The following RPS29 variants were observed in gnomAD, a reference collection of about 807,000 sequenced individuals.
The protein encoded by RPS29 is ribosomal protein S29, also known as small ribosomal subunit protein uS14.
For synonymous variants in RPS29, 37 were observed against 26.9 expected (o/e 1.37, Z -1.16); for missense variants, 60 against 75.7 (o/e 0.79, Z 0.77).
At chr14:49,588,201 G>A (rs1357958531), upstream of RPS29, among the ~76,000 whole-genome samples, 2 of 152,128 alleles carry the variant, frequency 1.3e-5, no homozygotes, top group African/African-American at 4.8e-5. Flanking sequence ...TTAGTACTCT[G>A]ATATATAAGC....
intron 2 of RPS29, among the ~76,000 whole-genome samples, chr14:49,584,189 T>C (rs1881435069): frequency 1.3e-5 from 2 of 152,188 alleles, no homozygotes; most frequent in Non-Finnish European, 2.9e-5. Context: ...GCAAGGCTTG[T>C]TGCGGAAACC....
At chr14:49,584,689 G>A (rs1203507268) in intron 2 of RPS29, among the ~76,000 whole-genome samples, 2 of 78,634 alleles carry the variant, frequency 2.5e-5, no homozygotes, top group African/African-American at 8.7e-5. Context: ...GCTTGAATCC[G>A]GGAGGGGGAG....
upstream of RPS29, chr14:49,586,474 T>G: frequency 1.2e-6 from 1 of 805,096 alleles, no homozygotes; most frequent in Non-Finnish European, 2.1e-6. Context: ...GGTCAGGTTG[T>G]TTCGCTGGGT....
At chr14:49,579,603 A>T (rs1189346488), downstream of RPS29, among the ~76,000 whole-genome samples, 1 of 152,220 alleles carries the variant, frequency 6.6e-6, no homozygotes, top group Non-Finnish European at 1.5e-5. Flanking sequence ...CCTCTCCTAT[A>T]GCACCTACCA....
chr14:49,582,012 C>CCCAAAA (rs71115379), downstream of RPS29, among the ~76,000 whole-genome samples: 28 of 106,502 alleles, frequency 2.6e-4, no homozygotes, highest in Admixed American at 3.2e-4. Context: ...CCCTGCCCCC[C>CCCAAAA]AAAAAAAAAA....
chr14:49,577,340 TAC>T (rs1228575348), exon 3 of RPS29: 1 of 161,860 alleles, frequency 6.2e-6, no homozygotes. Context: ...TTTTTGTTTT[TAC>T]AGTTTTATTG....
At chr14:49,581,804 T>C (rs1024140258), downstream of RPS29, among the ~76,000 whole-genome samples, 3 of 151,976 alleles carry the variant, frequency 2.0e-5, no homozygotes, top group African/African-American at 7.3e-5. Flanking sequence ...CAAGGCGGGC[T>C]GATCACTTGA....
At chr14:49,588,838 T>G (rs563860033), upstream of RPS29, among the ~76,000 whole-genome samples, 48 of 151,036 alleles carry the variant, frequency 3.2e-4, 1 homozygote, top group South Asian at 1.0e-3. Context: ...CTAAGAGCTT[T>G]TATCTTAATC....
chr14:49,586,478 G>T (rs1353115716), upstream of RPS29: 1 of 777,176 alleles, frequency 1.3e-6, no homozygotes, highest in Non-Finnish European at 2.2e-6. Context: ...AGGTTGTTTC[G>T]CTGGGTGAGT....
upstream of RPS29, chr14:49,586,502 A>G (rs766561652): frequency 1.5e-6 from 1 of 684,714 alleles, no homozygotes; most frequent in Middle Eastern, 2.4e-4. Flanking sequence ...ATGAAATCTT[A>G]GAGGCGTTGT....
upstream of RPS29, among the ~76,000 whole-genome samples, chr14:49,591,267 TAGC>T (rs1170370344): frequency 2.7e-5 from 4 of 147,804 alleles, no homozygotes; most frequent in African/African-American, 9.9e-5. Flanking sequence ...ACCAACAAGT[TAGC>T]AGTTTTTAGA....
chr14:49,577,665 C>A, exon 3 of RPS29: 1 of 748,618 alleles, frequency 1.3e-6, no homozygotes, highest in Non-Finnish European at 2.4e-6. Flanking sequence ...CTTCTATGAA[C>A]CCTGTTGTTA....
chr14:49,582,394 A>G (rs145049957), downstream of RPS29, among the ~76,000 whole-genome samples: 166 of 152,324 alleles, frequency 1.1e-3, 2 homozygotes, highest in East Asian at 0.018. Context: ...CCATCCAGGA[A>G]TTCTCTTCCC....
chr14:49,575,706 C>T (rs979524386), exon 3 of RPS29: 3 of 152,030 alleles, frequency 2.0e-5, no homozygotes, highest in Non-Finnish European at 4.4e-5. Flanking sequence ...TAAAAATTAG[C>T]TGGGCATTGT....
exon 3 of RPS29, chr14:49,572,969 A>C (rs1453698759): frequency 6.6e-6 from 1 of 152,044 alleles, no homozygotes; most frequent in Non-Finnish European, 1.5e-5. Flanking sequence ...TGGGAGGCTG[A>C]GGTGGGAAGA....
exon 1 of RPS29, chr14:49,598,434 C>T (rs1316085973): frequency 1.4e-6 from 1 of 701,110 alleles, no homozygotes; most frequent in Non-Finnish European, 2.6e-6. Flanking sequence ...GCAGGAATTG[C>T]CAAGTCAAAT....
At chr14:49,586,577 A>G (rs937150591), upstream of RPS29, 4 of 549,396 alleles carry the variant, frequency 7.3e-6, no homozygotes, top group East Asian at 3.1e-5. Flanking sequence ...CCGGTATCCG[A>G]CCGCCGGGCG....
downstream of RPS29, among the ~76,000 whole-genome samples, chr14:49,582,819 A>AGG (rs1881380450): frequency 6.6e-6 from 1 of 152,190 alleles, no homozygotes; most frequent in African/African-American, 2.4e-5. Flanking sequence ...CACGTCAGCC[A>AGG]CCTGCATTAC....
At chr14:49,584,129 G>A (rs563638270) in intron 2 of RPS29, among the ~76,000 whole-genome samples, 2 of 152,294 alleles carry the variant, frequency 1.3e-5, no homozygotes, top group Admixed American at 6.5e-5. Context: ...CCACAGGCGC[G>A]GATCATCATA....
Sources: allele counts gnomAD v4.1 joint callset (sites outside exome capture counted in the v4.1 genomes callset), GRCh38; gene constraint gnomAD v4.1.1; transcripts MANE v1.5; gene names NCBI Gene and HGNC (gene_info 2026-07-23, HGNC 2026-07-21).